The following TMEM117 variants were observed in gnomAD, a reference collection of about 807,000 sequenced individuals.
The protein encoded by TMEM117 is transmembrane protein 117.
TMEM117 carries 27 observed loss-of-function variants against 52.4 expected under a neutral mutation model. That is an observed-to-expected ratio of 0.51 (90% confidence interval 0.38 to 0.71). The LOEUF (loss-of-function observed/expected upper bound fraction) is 0.71, where lower values mean the gene tolerates loss of function less well. TMEM117 is among the 30% of genes least tolerant of loss of function. The pLI, the probability that TMEM117 is intolerant of heterozygous loss-of-function variation, is 0.00. For missense variants in TMEM117, 556 were observed against 630.5 expected (o/e 0.88, Z 1.26); for synonymous variants, 215 against 206.3 (o/e 1.04, Z -0.36).
At chr12:44,251,757 C>T (rs2138513630) in intron 5 of TMEM117, among the ~76,000 whole-genome samples, 1 of 152,290 alleles carries the variant, frequency 6.6e-6, no homozygotes, top group South Asian at 2.1e-4. Flanking sequence ...TATTTAAAGT[C>T]ATTTATTTAC....
chr12:44,028,532 C>A (rs1946579946), intron 3 of TMEM117, among the ~76,000 whole-genome samples: 1 of 152,160 alleles, frequency 6.6e-6, no homozygotes, highest in South Asian at 2.1e-4. Context: ...CAAAACCCAC[C>A]AAAACCAAGA....
At chr12:44,363,556 AAG>A (rs530656874) in intron 6 of TMEM117, among the ~76,000 whole-genome samples, 2 of 152,226 alleles carry the variant, frequency 1.3e-5, no homozygotes, top group Non-Finnish European at 2.9e-5. Context: ...TGACTTGAAA[AAG>A]AAAAATCATT....
At chr12:44,285,468 A>T (rs1950627205) in intron 5 of TMEM117, among the ~76,000 whole-genome samples, 1 of 152,196 alleles carries the variant, frequency 6.6e-6, no homozygotes, top group African/African-American at 2.4e-5. Flanking sequence ...AAACAGCAGC[A>T]GCATTTACTT....
intron 5 of TMEM117, among the ~76,000 whole-genome samples, chr12:44,235,872 A>G (rs1443915142): frequency 6.6e-6 from 1 of 151,910 alleles, no homozygotes; most frequent in African/African-American, 2.4e-5. Flanking sequence ...TTTGCTGACT[A>G]TAGTATTCTA....
chr12:44,109,959 C>A (rs1948028527), intron 3 of TMEM117, among the ~76,000 whole-genome samples: 1 of 93,522 alleles, frequency 1.1e-5, no homozygotes, highest in African/African-American at 5.7e-5. Flanking sequence ...ATTTTATTCT[C>A]TTGGAAGCAA....
intron 3 of TMEM117, among the ~76,000 whole-genome samples, chr12:44,028,920 C>T (rs1476040830): frequency 6.6e-6 from 1 of 152,178 alleles, no homozygotes; most frequent in South Asian, 2.1e-4. Flanking sequence ...GCGGAAACCC[C>T]TGACCCAAAT....
chr12:44,223,364 C>T (rs928352808), intron 5 of TMEM117, among the ~76,000 whole-genome samples: 2 of 151,576 alleles, frequency 1.3e-5, no homozygotes, highest in Non-Finnish European at 2.9e-5. Context: ...CCCAGTGTTT[C>T]TGTAGATGAC....
At chr12:44,345,621 C>T (rs2138763637) in intron 6 of TMEM117, among the ~76,000 whole-genome samples, 1 of 152,128 alleles carries the variant, frequency 6.6e-6, no homozygotes, top group Non-Finnish European at 1.5e-5. Flanking sequence ...GTTATTCAAA[C>T]AGGGAAGAGC....
intron 3 of TMEM117, among the ~76,000 whole-genome samples, chr12:44,021,984 C>T (rs56011342): frequency 0.096 from 14,544 of 152,172 alleles, 1,107 homozygotes; most frequent in African/African-American, 0.2. Context: ...TAATATATAT[C>T]TATGAGTATG....
At chr12:43,860,820 C>A (rs192580763) in intron 2 of TMEM117, among the ~76,000 whole-genome samples, 9 of 152,280 alleles carry the variant, frequency 5.9e-5, no homozygotes, top group Non-Finnish European at 1.2e-4. Context: ...ACATATAAAT[C>A]CGTATAGCTT....
At chr12:44,094,023 G>A (rs572663273) in intron 3 of TMEM117, among the ~76,000 whole-genome samples, 1 of 152,054 alleles carries the variant, frequency 6.6e-6, no homozygotes, top group Admixed American at 6.6e-5. Flanking sequence ...AGAATGAAAA[G>A]CAAAACATGG....
intron 4 of TMEM117, among the ~76,000 whole-genome samples, chr12:44,153,866 T>C (rs1429026154): frequency 6.6e-6 from 1 of 152,046 alleles, no homozygotes; most frequent in Non-Finnish European, 1.5e-5. Flanking sequence ...TGCTTTATTG[T>C]TGTTGCTTCA....
At chr12:44,254,225 A>G (rs970066468) in intron 5 of TMEM117, among the ~76,000 whole-genome samples, 5 of 152,076 alleles carry the variant, frequency 3.3e-5, no homozygotes, top group Admixed American at 6.6e-5. Context: ...CTTGACAGAA[A>G]ATAGTTATCA....
chr12:44,350,179 T>C (rs934618804), intron 6 of TMEM117, among the ~76,000 whole-genome samples: 4 of 152,170 alleles, frequency 2.6e-5, no homozygotes, highest in Middle Eastern at 3.4e-3. Context: ...TCTTACATAC[T>C]CTTTAATTTT....
At chr12:44,081,054 T>C (rs1947473659) in intron 3 of TMEM117, among the ~76,000 whole-genome samples, 2 of 152,220 alleles carry the variant, frequency 1.3e-5, no homozygotes, top group African/African-American at 4.8e-5. Context: ...ACTAATATTA[T>C]GAACAAATAA....
intron 5 of TMEM117, among the ~76,000 whole-genome samples, chr12:44,224,299 G>T (rs78818784): frequency 0.01 from 1,526 of 152,056 alleles, 10 homozygotes; most frequent in African/African-American, 0.016. Flanking sequence ...ATCAATATTA[G>T]GCGTTAGAGA....
chr12:43,833,800 A>G (rs1321222175), upstream of TMEM117, among the ~76,000 whole-genome samples: 2 of 150,364 alleles, frequency 1.3e-5, no homozygotes, highest in African/African-American at 4.9e-5. Flanking sequence ...TTAAAAAAGA[A>G]AAAAAAAATA....
chr12:44,120,091 C>T (rs1213854804), intron 3 of TMEM117, among the ~76,000 whole-genome samples: 1 of 152,070 alleles, frequency 6.6e-6, no homozygotes, highest in Non-Finnish European at 1.5e-5. Flanking sequence ...GAGGTAGCAC[C>T]TGGGCAATTG....
intron 3 of TMEM117, among the ~76,000 whole-genome samples, chr12:44,103,066 C>G (rs1387552760): frequency 6.6e-6 from 1 of 151,972 alleles, no homozygotes; most frequent in Non-Finnish European, 1.5e-5. Flanking sequence ...ATAAATTACC[C>G]AGTCCTGGAA....
Sources: allele counts gnomAD v4.1 joint callset (sites outside exome capture counted in the v4.1 genomes callset), GRCh38; gene constraint gnomAD v4.1.1; transcripts MANE v1.5; gene names NCBI Gene and HGNC (gene_info 2026-07-23, HGNC 2026-07-21).